DLG2: variants seen among roughly 807,000 people sequenced by gnomAD.
The protein encoded by DLG2 is discs large MAGUK scaffold protein 2.
In DLG2, 45 loss-of-function variants were observed where a neutral mutation model predicts 132.5. The observed-to-expected ratio is 0.34, with a 90% CI of 0.27 to 0.44. The LOEUF is 0.44. DLG2 is among the 20% of genes least tolerant of loss of function. The pLI is 1.00. For synonymous variants in DLG2, 424 were observed against 419.6 expected, an observed-to-expected ratio of 1.01 and a Z score of -0.13; for missense variants, 1,045 against 1,196.9, an observed-to-expected ratio of 0.87 and a Z score of 1.87.
intron 3 of DLG2, among the ~76,000 whole-genome samples, chr11:85,489,466 C>T (rs2093507505): frequency 6.6e-6 from 1 of 152,050 alleles, no homozygotes; most frequent in Non-Finnish European, 1.5e-5. Context: ...ATAGTGGGGA[C>T]TTCAACACCC....
In DLG2 at chr11:85,088,296, C is replaced by T. The variant is rs1359817016; in HGVS notation, c.357+23365G>A. 4.6e-5 allele frequency among the ~76,000 whole-genome samples: 7 copies of T among 152,136 alleles called. No individual in the cohort carries two copies. The East Asian group carries it at 1.2e-3, about 25-fold the overall frequency. The stretch of plus-strand genomic sequence containing the variant: ...GTCTTTCCCAAGAAATGAAGGTAAT[C>T]GACAGAATCAATATATATTTCTGTT... On this transcript the variant is annotated intron_variant, in intron 6 of 27. Transcript: ENST00000376104.
chr11:84,905,837 A>G (rs2091444784), intron 6 of DLG2, among the ~76,000 whole-genome samples: 1 of 152,158 alleles, frequency 6.6e-6, no homozygotes, highest in Admixed American at 6.5e-5. Flanking sequence ...AGCCTGAGCC[A>G]TTTGACCTTT....
At chr11:84,086,368 T>C (rs936678337) in intron 10 of DLG2, among the ~76,000 whole-genome samples, 4 of 152,216 alleles carry the variant, frequency 2.6e-5, no homozygotes, top group Non-Finnish European at 4.4e-5. Context: ...ATTCACATAC[T>C]TTAAAATTTG....
intron 21 of DLG2, among the ~76,000 whole-genome samples, chr11:83,516,353 G>GT (rs1414400337): frequency 6.6e-6 from 1 of 151,696 alleles, no homozygotes; most frequent in Non-Finnish European, 1.5e-5. Context: ...GAAACCCCTA[G>GT]TTTTTTTGTT....
chr11:83,495,450 T>G (rs1285853808), intron 21 of DLG2, among the ~76,000 whole-genome samples: 5 of 152,200 alleles, frequency 3.3e-5, no homozygotes, highest in Non-Finnish European at 7.3e-5. Flanking sequence ...TCTTCAAAAC[T>G]GAGCTTAAGG....
intron 7 of DLG2, among the ~76,000 whole-genome samples, chr11:84,350,021 C>CA (rs1479882696): frequency 3.7e-4 from 56 of 151,724 alleles, no homozygotes; most frequent in African/African-American, 1.4e-3. Context: ...ACTAAAAATA[C>CA]AAAAAAATTA....
intron 8 of DLG2, among the ~76,000 whole-genome samples, chr11:84,165,393 A>G (rs1178599459): frequency 6.6e-6 from 1 of 152,102 alleles, no homozygotes; most frequent in African/African-American, 2.4e-5. Context: ...CTAAATGCTG[A>G]CTCTTAGATT....
At chr11:84,786,485 T>C (rs1441164935) in intron 6 of DLG2, among the ~76,000 whole-genome samples, 1 of 152,202 alleles carries the variant, frequency 6.6e-6, no homozygotes, top group Non-Finnish European at 1.5e-5. Flanking sequence ...TAGAAAGAAC[T>C]ACTAGAAACT....
intron 19 of DLG2, among the ~76,000 whole-genome samples, chr11:83,569,157 G>A (rs1474398232): frequency 6.6e-6 from 1 of 151,684 alleles, no homozygotes; most frequent in Non-Finnish European, 1.5e-5. Flanking sequence ...TAAAAAATCT[G>A]TTTTAAGTAC....
chr11:83,889,654 G>A (rs1394641769), intron 15 of DLG2, among the ~76,000 whole-genome samples: 2 of 152,052 alleles, frequency 1.3e-5, no homozygotes, highest in African/African-American at 4.8e-5. Flanking sequence ...AAAGACACAT[G>A]CACATGTATG....
At chr11:85,315,359 G>A (rs1029301628) in intron 3 of DLG2, among the ~76,000 whole-genome samples, 5 of 151,768 alleles carry the variant, frequency 3.3e-5, no homozygotes, top group Admixed American at 6.6e-5. Context: ...TCTTCAATAA[G>A]GTTGATAAAC....
At chr11:84,876,319 T>C (rs182690873) in intron 6 of DLG2, among the ~76,000 whole-genome samples, 129 of 152,300 alleles carry the variant, frequency 8.5e-4, no homozygotes, top group Non-Finnish European at 1.5e-3. Context: ...GGTCCTAGAC[T>C]TTTTTGATTG....
intron 9 of DLG2, among the ~76,000 whole-genome samples, chr11:84,121,078 A>G (rs1032237657): frequency 1.3e-5 from 2 of 152,184 alleles, no homozygotes; most frequent in Non-Finnish European, 2.9e-5. Context: ...TATTTATTGA[A>G]CACCTTCTCT....
intron 11 of DLG2, among the ~76,000 whole-genome samples, chr11:84,053,048 T>C (rs746355679): frequency 6.6e-6 from 1 of 152,040 alleles, no homozygotes; most frequent in Non-Finnish European, 1.5e-5. Context: ...GATAAATAAA[T>C]GTGGTATATA....
intron 19 of DLG2, among the ~76,000 whole-genome samples, chr11:83,580,925 C>G (rs2096964729): frequency 7.0e-6 from 1 of 142,074 alleles, no homozygotes; most frequent in African/African-American, 2.6e-5. Flanking sequence ...CCTTTCCCTC[C>G]CTCATTCCTC....
chr11:83,978,408 T>C (rs2092471147), intron 12 of DLG2, among the ~76,000 whole-genome samples: 2 of 152,082 alleles, frequency 1.3e-5, no homozygotes, highest in Middle Eastern at 3.2e-3. Flanking sequence ...CTATGTAGAA[T>C]ATGGTTATCA....
intron 6 of DLG2, among the ~76,000 whole-genome samples, chr11:84,536,583 G>A (rs751756059): frequency 2.6e-5 from 4 of 152,174 alleles, no homozygotes; most frequent in Non-Finnish European, 5.9e-5. Flanking sequence ...CGCCCATTAT[G>A]AGTGGAATAG....
intron 22 of DLG2, chr11:83,480,502 A>G (rs1210435566): frequency 3.3e-6 from 5 of 1,495,306 alleles, no homozygotes; most frequent in East Asian, 4.9e-5. Context: ...AGGCTACCAG[A>G]AATGTGAGCG....
chr11:84,757,938 C>T (rs1565886657), intron 6 of DLG2, among the ~76,000 whole-genome samples: 2 of 152,132 alleles, frequency 1.3e-5, no homozygotes, highest in Non-Finnish European at 2.9e-5. Context: ...TGGGAATTCC[C>T]CTTTAGCCTA....
Sources: allele counts gnomAD v4.1 joint callset (sites outside exome capture counted in the v4.1 genomes callset), GRCh38; gene constraint gnomAD v4.1.1; transcripts MANE v1.5; gene names NCBI Gene and HGNC (gene_info 2026-07-23, HGNC 2026-07-21).